Variants in TAOK3 observed in about 807,000 individuals in gnomAD.
TAOK3 encodes the protein TAO kinase 3.
In TAOK3, 40 loss-of-function variants were observed where a neutral mutation model predicts 120.4. The ratio of observed to expected loss-of-function variants is 0.33; its 90% CI spans 0.26 to 0.43. The LOEUF is 0.43. Among genes scored for constraint, TAOK3 ranks in the 20% least tolerant of loss-of-function variants. The probability of loss-of-function intolerance (pLI) is 1.00; values close to 1 mark genes in which losing one functional copy is unlikely to be tolerated. For missense variants in TAOK3, 821 were observed against 1,112.1 expected, an observed-to-expected ratio of 0.74 and a Z score of 3.72; for synonymous variants, 355 against 387.5, an observed-to-expected ratio of 0.92 and a Z score of 0.99.
At chr12:118,196,071 A>G (rs552004033) in intron 13 of TAOK3, among the ~76,000 whole-genome samples, 1 of 150,298 alleles carries the variant, frequency 6.7e-6, no homozygotes, top group Admixed American at 6.6e-5. Flanking sequence ...ATAAATAAAT[A>G]AATAAATAAA....
intron 11 of TAOK3, among the ~76,000 whole-genome samples, chr12:118,205,541 A>G (rs929460503): frequency 6.6e-6 from 1 of 152,014 alleles, no homozygotes; most frequent in Non-Finnish European, 1.5e-5. Context: ...GTGTCCTACT[A>G]CCATAATTAT....
intron 1 of TAOK3, among the ~76,000 whole-genome samples, chr12:118,276,630 G>T (rs1203643851): frequency 6.6e-6 from 1 of 151,918 alleles, no homozygotes; most frequent in African/African-American, 2.4e-5. Flanking sequence ...TGAACTGGGG[G>T]GGCGGAGCTT....
At chr12:118,218,945 C>T (rs1375449381) in intron 9 of TAOK3, among the ~76,000 whole-genome samples, 1 of 151,990 alleles carries the variant, frequency 6.6e-6, no homozygotes, top group East Asian at 1.9e-4. Flanking sequence ...AGAGTGAGAC[C>T]TTGTCTCATA....
chr12:118,258,152 G>A (rs1272518457), intron 2 of TAOK3, among the ~76,000 whole-genome samples: 1 of 152,140 alleles, frequency 6.6e-6, no homozygotes. Flanking sequence ...GAGAAAACAT[G>A]AAGCTGGTGT....
rs372292203 is a variant in TAOK3 at position 118,172,523 on chromosome 12, A to T, written c.1833T>A (p.Asn611Lys). 1 of 1,613,792 alleles carries T rather than the reference A, an allele frequency of 6.2e-7. No individual in the cohort carries two copies. Among genetic ancestry groups the T allele is most frequent in the East Asian group, 2.2e-5 (1 of 44,876 alleles). Residue 611 changes from asparagine (N) to lysine (K), a missense_variant, in exon 17 of 21, where the codon AAT becomes AAA. By Grantham distance (94) the Asn-to-Lys change is moderately conservative. Around this residue, in one of 2 missense-constraint regions of TAOK3, gnomAD observed 354 missense variants for 572.1 expected, o/e 0.62. Coordinates refer to ENST00000392533, the MANE Select transcript of TAOK3 (RefSeq NM_016281.4). ...LTQQRLYYDKNCRFFKRKIMI... is the reference protein window; with the variant it reads ...LTQQRLYYDKKCRFFKRKIMI... Reference sequence around the variant, plus strand: ...TTATTTTCCGCTTGAAGAAACGACAATTTTTGTCGTAGTACAGTCTCTGTT... The same window carrying T: ...TTATTTTCCGCTTGAAGAAACGACATTTTTTGTCGTAGTACAGTCTCTGTT...
At chr12:118,300,886 C>T (rs1368261152) in intron 1 of TAOK3, among the ~76,000 whole-genome samples, 2 of 152,114 alleles carry the variant, frequency 1.3e-5, no homozygotes, top group African/African-American at 2.4e-5. Context: ...AGCGATTCTC[C>T]TGCCTCAGAC....
chr12:118,225,229 C>T (rs1244591366), intron 9 of TAOK3, among the ~76,000 whole-genome samples: 1 of 100,510 alleles, frequency 9.9e-6, no homozygotes, highest in African/African-American at 3.9e-5. Flanking sequence ...GCCTGGGTGA[C>T]AAGTGCGAGA....
At chr12:118,333,115 C>T (rs1210023923) in intron 1 of TAOK3, among the ~76,000 whole-genome samples, 1 of 152,048 alleles carries the variant, frequency 6.6e-6, no homozygotes, top group South Asian at 2.1e-4. Flanking sequence ...AAGAATTGAA[C>T]AGTGCTATCA....
chr12:118,359,923 G>A (rs2045534490), intron 1 of TAOK3, among the ~76,000 whole-genome samples: 2 of 152,170 alleles, frequency 1.3e-5, no homozygotes, highest in Admixed American at 1.3e-4. Flanking sequence ...AAAAGCTGGA[G>A]AAAATTTATT....
chr12:118,320,924 A>G (rs1237980974), intron 1 of TAOK3, among the ~76,000 whole-genome samples: 2 of 152,238 alleles, frequency 1.3e-5, no homozygotes, highest in African/African-American at 2.4e-5. Context: ...ACACTTTACT[A>G]ATGTGTAGCT....
At chr12:118,354,886 T>C (rs2045328358) in intron 1 of TAOK3, among the ~76,000 whole-genome samples, 2 of 152,072 alleles carry the variant, frequency 1.3e-5, no homozygotes, top group African/African-American at 4.8e-5. Context: ...CAGATGTCTT[T>C]ATTAGCAGCG....
At chr12:118,269,031 C>CAAAAGAAAAGAA (rs1188259248) in intron 1 of TAOK3, among the ~76,000 whole-genome samples, 1 of 151,704 alleles carries the variant, frequency 6.6e-6, no homozygotes, top group Non-Finnish European at 1.5e-5. Flanking sequence ...GAAAAGAAAA[C>CAAAAGAAAAGAA]AAAAGAAAAG....
chr12:118,177,454 TAAAA>T, intron 15 of TAOK3, 125 bp from the exon 16 acceptor site: 4 of 603,270 alleles, frequency 6.6e-6, no homozygotes, highest in African/African-American at 1.9e-5. Context: ...GAACAAATAT[TAAAA>T]AATAATTGTT....
chr12:118,360,441 A>G (rs1462991736), intron 1 of TAOK3, among the ~76,000 whole-genome samples: 3 of 143,318 alleles, frequency 2.1e-5, no homozygotes, highest in African/African-American at 7.8e-5. Flanking sequence ...GGTGGTGGGC[A>G]CCTGTAGTTC....
chr12:118,216,928 C>CAAAAAAAAAA (rs11298822), intron 9 of TAOK3, among the ~76,000 whole-genome samples: 10 of 89,920 alleles, frequency 1.1e-4, no homozygotes, highest in Non-Finnish European at 1.6e-4. Context: ...GACTCCATCT[C>CAAAAAAAAAA]AAAAAAAAAA....
intron 19 of TAOK3, among the ~76,000 whole-genome samples, chr12:118,154,856 A>G (rs530871679): frequency 4.1e-4 from 62 of 152,328 alleles, no homozygotes; most frequent in African/African-American, 1.1e-3. Context: ...ACAGGCGCAC[A>G]GGATTCCCCC....
rs951484865 is a variant in TAOK3, at chr12:118,371,136, C to T, written c.-194+1512G>A. Among the ~76,000 whole-genome samples, 4 of 152,182 alleles carry T rather than the reference C, an allele frequency of 2.6e-5. No individual in the cohort carries two copies. The highest frequency in any genetic ancestry group is 9.7e-5 in the African/African-American group (4 of 41,446). The stretch of plus-strand genomic sequence containing the variant: ...TGCCAAATCTAAAAAAGTTTCTTAG[C>T]TCCTTGAGCTAAAATGAAAAACCAG... On this transcript the variant is annotated intron_variant, in intron 1 of 20. Coordinates refer to ENST00000392533, the MANE Select transcript of TAOK3 (RefSeq NM_016281.4). This position sits in a 1 kb window ranked among gnomAD's most constrained non-coding sequence, Gnocchi z 5.5.
intron 9 of TAOK3, among the ~76,000 whole-genome samples, chr12:118,223,632 C>A (rs1277037486): frequency 6.8e-6 from 1 of 147,062 alleles, no homozygotes; most frequent in Admixed American, 7.0e-5. Context: ...AGGTGTGAGC[C>A]ACCGCACCCG....
intron 1 of TAOK3, among the ~76,000 whole-genome samples, chr12:118,294,545 A>G (rs2042604453): frequency 6.6e-6 from 1 of 151,942 alleles, no homozygotes; most frequent in African/African-American, 2.4e-5. Context: ...CACCATGCCC[A>G]GCTAATTTTT....
Sources: allele counts gnomAD v4.1 joint callset (sites outside exome capture counted in the v4.1 genomes callset), GRCh38; gene constraint gnomAD v4.1.1; regional missense constraint gnomAD v4.1.1; non-coding constraint Gnocchi (gnomAD v3.1); transcripts MANE v1.5; gene names NCBI Gene and HGNC (gene_info 2026-07-23, HGNC 2026-07-21).